The following ZNF723 variants were observed in gnomAD, a reference collection of about 807,000 sequenced individuals.
The protein encoded by ZNF723 is zinc finger protein 723, pseudogene.
ZNF723 carries 5 observed loss-of-function variants against 9.4 expected under a neutral mutation model. The observed-to-expected ratio is 0.53, with a 90% CI of 0.28 to 1.12. ZNF723 has a LOEUF of 1.12. Among genes scored for constraint, ZNF723 ranks in the 50% most tolerant of loss-of-function variants. The probability of loss-of-function intolerance (pLI) is 0.10; values close to 1 mark genes in which losing one functional copy is unlikely to be tolerated. For missense variants in ZNF723, 450 were observed against 501.5 expected, an observed-to-expected ratio of 0.90 and a Z score of 0.98; for synonymous variants, 158 against 168.8, an observed-to-expected ratio of 0.94 and a Z score of 0.49.
At chr19:22,847,794 T>A (rs1172187416) in intron 1 of ZNF723, among the ~76,000 whole-genome samples, 1 of 152,140 alleles carries the variant, frequency 6.6e-6, no homozygotes, top group Non-Finnish European at 1.5e-5. Context: ...CATAAGAGAA[T>A]ATTTCTGTGT....
At chr19:22,848,687 C>A (rs1300422361) in intron 2 of ZNF723, among the ~76,000 whole-genome samples, 1 of 152,012 alleles carries the variant, frequency 6.6e-6, no homozygotes, top group Non-Finnish European at 1.5e-5. Context: ...ATCTAAGTGT[C>A]ACCACCAGCT....
chr19:22,833,504 A>G (rs573679236), intron 1 of ZNF723, among the ~76,000 whole-genome samples: 8 of 152,108 alleles, frequency 5.3e-5, no homozygotes, highest in African/African-American at 1.2e-4. Flanking sequence ...GTACCCCCCA[A>G]TCCTCCTTTA....
chr19:22,816,668 G>A, the ZNF723 span, among the ~76,000 whole-genome samples: 1 of 149,426 alleles, frequency 6.7e-6, no homozygotes, highest in African/African-American at 2.5e-5. Context: ...ACATCTTGCT[G>A]CATCCAGCAT....
chr19:22,857,005 G>T, intron 3 of ZNF723, 113 bp from the exon 4 acceptor site: 1 of 499,558 alleles, frequency 2.0e-6, no homozygotes. Flanking sequence ...ATGGCCTATG[G>T]TATTTTGCTA....
chr19:22,835,406 A>G (rs943512689), intron 1 of ZNF723, among the ~76,000 whole-genome samples: 2 of 152,116 alleles, frequency 1.3e-5, no homozygotes, highest in African/African-American at 4.8e-5. Context: ...TTAACTGAAA[A>G]TTGCATTTTA....
At chr19:22,814,864 A>T in the ZNF723 span, among the ~76,000 whole-genome samples, 1 of 152,106 alleles carries the variant, frequency 6.6e-6, no homozygotes, top group Non-Finnish European at 1.5e-5. Flanking sequence ...GCATAGTGAC[A>T]TATCACTGGC....
In ZNF723 at chr19:22,855,855, G is replaced by A. The variant is rs77098423; in HGVS notation, c.227-1263G>A. On this transcript the variant is annotated intron_variant, in intron 3 of 3. Coordinates refer to ENST00000600766, the MANE Select transcript of ZNF723 (RefSeq NM_001349726.2). ...CTCTTTTTGTCTGTGACTTTTAAAA[G>A]TGTGCTTATATATGTGTTTGTTATA... Among the ~76,000 whole-genome samples the A allele has an allele frequency of 7.0e-3, 1,068 of 152,152 alleles. 13 individuals are homozygous for A. Among genetic ancestry groups the A allele is most frequent in the African/African-American group, 0.025 (1,041 of 41,514 alleles).
At chr19:22,822,991 T>C in the ZNF723 span, among the ~76,000 whole-genome samples, 1 of 152,196 alleles carries the variant, frequency 6.6e-6, no homozygotes, top group African/African-American at 2.4e-5. Context: ...CAGTTGAAAT[T>C]GTGACTGTTA....
At chr19:22,835,987 A>C (rs1178614564) in intron 1 of ZNF723, among the ~76,000 whole-genome samples, 1 of 152,170 alleles carries the variant, frequency 6.6e-6, no homozygotes, top group Admixed American at 6.5e-5. Flanking sequence ...AGCACCTTAA[A>C]ATTTTTTTCC....
chr19:22,817,196 T>A, the ZNF723 span, among the ~76,000 whole-genome samples: 1 of 152,268 alleles, frequency 6.6e-6, no homozygotes, highest in South Asian at 2.1e-4. Flanking sequence ...ACTTAGGTGA[T>A]GTGACTATCT....
chr19:22,845,889 C>CTTTTTTTTTTTTTTTTT (rs1214348571), intron 1 of ZNF723, among the ~76,000 whole-genome samples: 18 of 124,370 alleles, frequency 1.4e-4, no homozygotes, highest in African/African-American at 3.7e-4. Context: ...AAAAATATGC[C>CTTTTTTTTTTTTTTTTT]TTTTTTTTTT....
chr19:22,854,991 G>A (rs1276578049), intron 3 of ZNF723, among the ~76,000 whole-genome samples: 1 of 151,854 alleles, frequency 6.6e-6, no homozygotes, highest in Non-Finnish European at 1.5e-5. Context: ...AGGTCACAGT[G>A]AGCTGAGATT....
intron 3 of ZNF723, among the ~76,000 whole-genome samples, chr19:22,849,819 G>C (rs1967367761): frequency 6.6e-6 from 1 of 152,098 alleles, no homozygotes. Context: ...TGAGTCAGGA[G>C]AATCGCTTGA....
chr19:22,834,460 T>G (rs1967140912), intron 1 of ZNF723, among the ~76,000 whole-genome samples: 1 of 152,098 alleles, frequency 6.6e-6, no homozygotes, highest in African/African-American at 2.4e-5. Context: ...TTTATGGGGT[T>G]TTGTGTCCGC....
chr19:22,825,896 C>A, the ZNF723 span, among the ~76,000 whole-genome samples: 3 of 152,364 alleles, frequency 2.0e-5, no homozygotes, highest in Non-Finnish European at 2.9e-5. Context: ...GATAATGTGA[C>A]TCTCCTCTCC....
chr19:22,844,739 T>C (rs1442862057), intron 1 of ZNF723, among the ~76,000 whole-genome samples: 3 of 152,160 alleles, frequency 2.0e-5, no homozygotes, highest in Non-Finnish European at 4.4e-5. Context: ...AGTACGGAGT[T>C]TAAGGGACTC....
the ZNF723 span, among the ~76,000 whole-genome samples, chr19:22,812,246 CAGGTGTG>C: frequency 2.6e-3 from 402 of 152,324 alleles, 2 homozygotes; most frequent in Non-Finnish European, 3.6e-3. Flanking sequence ...GCTGGGATTA[CAGGTGTG>C]AGCCACCTCA....
At chr19:22,822,847 G>A in the ZNF723 span, among the ~76,000 whole-genome samples, 1 of 152,154 alleles carries the variant, frequency 6.6e-6, no homozygotes, top group Admixed American at 6.6e-5. Flanking sequence ...GGACAACAGA[G>A]TGAGACTCCA....
chr19:22,828,548 G>C (rs1034828995), upstream of ZNF723, among the ~76,000 whole-genome samples: 1 of 152,098 alleles, frequency 6.6e-6, no homozygotes, highest in African/African-American at 2.4e-5. Context: ...AGCTACTCAG[G>C]GGGCTGTGGC....
Sources: gnomAD v4.1 joint callset for allele counts (sites outside exome capture counted in the v4.1 genomes callset) on GRCh38, gnomAD v4.1.1 for gene constraint, MANE v1.5 for transcripts, NCBI Gene and HGNC (gene_info 2026-07-23, HGNC 2026-07-21) for gene names.